The following SLC24A2 variants were observed in gnomAD, a reference collection of about 807,000 sequenced individuals.
SLC24A2 encodes the protein sodium/potassium/calcium exchanger 2.
A neutral mutation model predicts 62.0 loss-of-function variants in SLC24A2; 36 were observed. That is an observed-to-expected ratio of 0.58 (90% CI 0.44 to 0.77). The LOEUF (loss-of-function observed/expected upper bound fraction) is 0.77, where lower values mean the gene tolerates loss of function less well. SLC24A2 is among the 30% of genes least tolerant of loss of function. The pLI is 0.00. For missense variants in SLC24A2, 846 were observed against 817.9 expected, an observed-to-expected ratio of 1.03 and a Z score of -0.42; for synonymous variants, 358 against 294.0, an observed-to-expected ratio of 1.22 and a Z score of -2.23.
the SLC24A2 span, among the ~76,000 whole-genome samples, chr9:19,832,225 A>G: frequency 2.0e-5 from 3 of 152,236 alleles, no homozygotes; most frequent in African/African-American, 2.4e-5. Flanking sequence ...TAACCCAAAC[A>G]CCAGTACCAT....
chr9:19,742,664 G>T (rs1324328258), intron 2 of SLC24A2, among the ~76,000 whole-genome samples: 1 of 152,156 alleles, frequency 6.6e-6, no homozygotes, highest in Non-Finnish European at 1.5e-5. Context: ...TTCAGGGCCT[G>T]GCCCTCCTTT....
intron 8 of SLC24A2, 98 bp from the exon 9 acceptor site, chr9:19,528,236 G>T: frequency 1.3e-6 from 1 of 789,876 alleles, no homozygotes. Flanking sequence ...AATTTCTCTA[G>T]CATTTCCTGC....
the SLC24A2 span, among the ~76,000 whole-genome samples, chr9:20,224,673 G>A: frequency 9.2e-5 from 14 of 151,800 alleles, no homozygotes; most frequent in South Asian, 8.4e-4. Flanking sequence ...AGAGGGGAGG[G>A]GAGGAAAAGG....
At chr9:20,000,349 G>A in the SLC24A2 span, among the ~76,000 whole-genome samples, 2 of 152,188 alleles carry the variant, frequency 1.3e-5, no homozygotes, top group Admixed American at 1.3e-4. Flanking sequence ...GTTAGTAGCA[G>A]AGACAGAATT....
the SLC24A2 span, among the ~76,000 whole-genome samples, chr9:19,889,665 T>C: frequency 6.6e-6 from 1 of 152,204 alleles, no homozygotes; most frequent in African/African-American, 2.4e-5. Flanking sequence ...TGTTTCTATC[T>C]CTACCAACTT....
the SLC24A2 span, among the ~76,000 whole-genome samples, chr9:19,813,683 A>G: frequency 1.3e-5 from 2 of 152,104 alleles, no homozygotes; most frequent in Admixed American, 6.6e-5. Flanking sequence ...CTCAAAATTC[A>G]TATGTTGAAA....
the SLC24A2 span, among the ~76,000 whole-genome samples, chr9:20,299,850 T>A: frequency 6.6e-6 from 1 of 152,226 alleles, no homozygotes; most frequent in Non-Finnish European, 1.5e-5. Context: ...TTATTCCAAG[T>A]GCATTGCTCT....
chr9:20,231,116 A>G, the SLC24A2 span, among the ~76,000 whole-genome samples: 1 of 152,094 alleles, frequency 6.6e-6, no homozygotes, highest in East Asian at 1.9e-4. Flanking sequence ...TACCAGTACC[A>G]TGTTGTTTTG....
chr9:20,037,861 A>G, the SLC24A2 span, among the ~76,000 whole-genome samples: 1 of 152,238 alleles, frequency 6.6e-6, no homozygotes, highest in Non-Finnish European at 1.5e-5. Context: ...GGAAGAGCCC[A>G]GCTCTTCAAC....
At chr9:19,559,982 C>G (rs895677574) in intron 7 of SLC24A2, among the ~76,000 whole-genome samples, 1 of 152,164 alleles carries the variant, frequency 6.6e-6, no homozygotes, top group African/African-American at 2.4e-5. Flanking sequence ...CCTGACCTCA[C>G]AATCTCTAAG....
Position 19,597,213 on chromosome 9 carries a change from C to A in SLC24A2, c.1129+16G>T. 1 of 1,550,776 alleles carries A rather than the reference C, an allele frequency of 6.4e-7. No individual in the cohort carries two copies. The highest frequency in any genetic ancestry group is 1.4e-5 in the African/African-American group (1 of 73,790). On this transcript the variant is annotated intron_variant, in intron 5 of 10. Coordinates refer to ENST00000341998, the MANE Select transcript of SLC24A2 (RefSeq NM_020344.4). The stretch of plus-strand genomic sequence containing the variant: ...TGTAAAAAAGCCAATGCATACAATT[C>A]TAAAATCATTCTTACCTTCTTCAGT...
the SLC24A2 span, among the ~76,000 whole-genome samples, chr9:20,210,520 C>G: frequency 4.0e-5 from 6 of 151,706 alleles, 1 homozygote; most frequent in African/African-American, 1.5e-4. Flanking sequence ...GTCGCCCAGG[C>G]TGGAGTGTAG....
intron 7 of SLC24A2, among the ~76,000 whole-genome samples, chr9:19,550,716 T>TTC (rs1329140165): frequency 6.6e-6 from 1 of 151,388 alleles, no homozygotes; most frequent in Non-Finnish European, 1.5e-5. Flanking sequence ...CTTTTTTTTT[T>TTC]TTTGGAACAC....
At chr9:20,091,678 C>T in the SLC24A2 span, among the ~76,000 whole-genome samples, 3 of 152,158 alleles carry the variant, frequency 2.0e-5, no homozygotes, top group Non-Finnish European at 4.4e-5. Flanking sequence ...TCTGTTACCA[C>T]CCGGCCTGCC....
intron 8 of SLC24A2, among the ~76,000 whole-genome samples, chr9:19,534,510 C>G (rs1833863044): frequency 2.0e-5 from 3 of 152,136 alleles, no homozygotes; most frequent in Middle Eastern, 6.8e-3. Flanking sequence ...CTCCCCTAGC[C>G]CCCCACCCCT....
At chr9:19,877,917 C>T in the SLC24A2 span, among the ~76,000 whole-genome samples, 1 of 152,134 alleles carries the variant, frequency 6.6e-6, no homozygotes, top group Non-Finnish European at 1.5e-5. Flanking sequence ...TTTCTTATTA[C>T]TTATTCTTAT....
At chr9:19,931,530 T>C in the SLC24A2 span, among the ~76,000 whole-genome samples, 5 of 152,382 alleles carry the variant, frequency 3.3e-5, no homozygotes, top group Non-Finnish European at 5.9e-5. Flanking sequence ...TGACATAGAT[T>C]ACTTATTCAC....
chr9:19,968,720 C>G, the SLC24A2 span, among the ~76,000 whole-genome samples: 1 of 152,150 alleles, frequency 6.6e-6, no homozygotes, highest in Non-Finnish European at 1.5e-5. Context: ...TTACAGAGGT[C>G]CTTGGCCCTC....
intron 2 of SLC24A2, among the ~76,000 whole-genome samples, chr9:19,715,076 T>TAAG (rs896388942): frequency 6.6e-6 from 1 of 151,072 alleles, no homozygotes; most frequent in Non-Finnish European, 1.5e-5. Flanking sequence ...CCAAACACCG[T>TAAG]AATAATAATA....
Sources: gnomAD v4.1 joint callset for allele counts (sites outside exome capture counted in the v4.1 genomes callset) on GRCh38, gnomAD v4.1.1 for gene constraint, MANE v1.5 for transcripts, NCBI Gene and HGNC (gene_info 2026-07-23, HGNC 2026-07-21) for gene names.